The following CADPS2 variants were observed in gnomAD, a reference collection of about 807,000 sequenced individuals.
CADPS2 encodes calcium-dependent secretion activator 2.
A neutral mutation model predicts 172.5 loss-of-function variants in CADPS2; 93 were observed. The observed-to-expected ratio is 0.54, with a 90% CI of 0.46 to 0.64. The LOEUF (loss-of-function observed/expected upper bound fraction) is 0.64. Among genes scored for constraint, CADPS2 ranks in the 30% least tolerant of loss-of-function variants. The probability of loss-of-function intolerance (pLI) is 0.00; values close to 1 mark genes in which losing one functional copy is unlikely to be tolerated. For synonymous variants in CADPS2, 546 were observed against 555.2 expected (o/e 0.98, Z 0.23); for missense variants, 1,420 against 1,565.9 (o/e 0.91, Z 1.57).
At chr7:122,617,843 A>T (rs1447903071) in intron 5 of CADPS2, among the ~76,000 whole-genome samples, 2 of 152,162 alleles carry the variant, frequency 1.3e-5, no homozygotes, top group African/African-American at 2.4e-5. Context: ...GGAGATCGAG[A>T]CCATCCTGGC....
chr7:122,421,473 G>A (rs2048521964), intron 17 of CADPS2, among the ~76,000 whole-genome samples: 1 of 152,144 alleles, frequency 6.6e-6, no homozygotes. Context: ...TGATCAGCTA[G>A]GGAGCATGAA....
intron 2 of CADPS2, among the ~76,000 whole-genome samples, chr7:122,696,882 CG>C (rs1209272413): frequency 2.0e-5 from 3 of 152,040 alleles, no homozygotes; most frequent in Non-Finnish European, 4.4e-5. Context: ...CAAAAATACT[CG>C]AGTGCCAGGA....
At chr7:122,740,118 T>C (rs971446296) in intron 1 of CADPS2, among the ~76,000 whole-genome samples, 4 of 152,186 alleles carry the variant, frequency 2.6e-5, no homozygotes, top group African/African-American at 9.7e-5. Context: ...GGATCTCTCA[T>C]TCTTTGCTAC....
At chr7:122,463,961 C>T (rs888045272) in intron 14 of CADPS2, among the ~76,000 whole-genome samples, 3 of 152,162 alleles carry the variant, frequency 2.0e-5, no homozygotes, top group African/African-American at 7.2e-5. Flanking sequence ...GTTTAGTACA[C>T]ATCATATATC....
chr7:122,568,983 C>G (rs1421355832), intron 7 of CADPS2, among the ~76,000 whole-genome samples: 1 of 152,102 alleles, frequency 6.6e-6, no homozygotes, highest in African/African-American at 2.4e-5. Flanking sequence ...GACAGGGATG[C>G]CCTCTCTCAC....
At chr7:122,578,115 T>C (rs1251958568) in intron 7 of CADPS2, among the ~76,000 whole-genome samples, 4 of 151,026 alleles carry the variant, frequency 2.6e-5, no homozygotes, top group Admixed American at 1.3e-4. Context: ...CAAAAGTATA[T>C]ATATTTATGT....
At chr7:122,433,000 G>T (rs1330539380) in intron 17 of CADPS2, among the ~76,000 whole-genome samples, 1 of 152,000 alleles carries the variant, frequency 6.6e-6, no homozygotes, top group African/African-American at 2.4e-5. Context: ...TGGAGACAGG[G>T]TCTCCTTCTG....
intron 3 of CADPS2, among the ~76,000 whole-genome samples, chr7:122,662,795 G>A (rs1251620800): frequency 2.0e-5 from 3 of 152,104 alleles, no homozygotes; most frequent in African/African-American, 4.8e-5. Flanking sequence ...ATCTGGATGA[G>A]TTAAATAAAA....
chr7:122,425,819 C>G (rs922992057), intron 17 of CADPS2: 5 of 152,016 alleles, frequency 3.3e-5, no homozygotes, highest in Admixed American at 6.6e-5. Flanking sequence ...TAGTATCATG[C>G]CTATTCCTTC....
chr7:122,346,039 T>G (rs1239922846), intron 27 of CADPS2, among the ~76,000 whole-genome samples: 1 of 151,898 alleles, frequency 6.6e-6, no homozygotes, highest in Admixed American at 6.6e-5. Context: ...AAATACAATT[T>G]ACTTTGCATC....
chr7:122,728,685 T>A (rs188934489), intron 2 of CADPS2, among the ~76,000 whole-genome samples: 2 of 151,826 alleles, frequency 1.3e-5, no homozygotes, highest in African/African-American at 2.4e-5. Context: ...CAGACACTTG[T>A]GCAACTGGAG....
At chr7:122,418,155 G>C (rs1172516872) in intron 17 of CADPS2, among the ~76,000 whole-genome samples, 1 of 151,140 alleles carries the variant, frequency 6.6e-6, no homozygotes, top group Non-Finnish European at 1.5e-5. Flanking sequence ...GGGTGACAGA[G>C]GGAGACTCCA....
At chr7:122,616,578 C>G (rs760654289) in intron 5 of CADPS2, among the ~76,000 whole-genome samples, 20 of 152,154 alleles carry the variant, frequency 1.3e-4, no homozygotes, top group Middle Eastern at 6.8e-3. Flanking sequence ...AGTTTTCTTC[C>G]TCATCCAGGG....
At chr7:122,421,143 C>T (rs1054612697) in intron 17 of CADPS2, 3 of 152,000 alleles carry the variant, frequency 2.0e-5, no homozygotes, top group East Asian at 1.9e-4. Context: ...CCTTTTTATC[C>T]GTATATGATA....
chr7:122,533,021 C>T (rs896284273), intron 8 of CADPS2, among the ~76,000 whole-genome samples: 2 of 151,980 alleles, frequency 1.3e-5, no homozygotes, highest in Admixed American at 6.6e-5. Flanking sequence ...ATAAATGCTC[C>T]GCACCCCCAC....
intron 2 of CADPS2, among the ~76,000 whole-genome samples, chr7:122,717,806 C>T (rs2136962618): frequency 6.6e-6 from 1 of 151,940 alleles, no homozygotes; most frequent in South Asian, 2.1e-4. Flanking sequence ...CAGTATATCC[C>T]ACATTCTTTT....
chr7:122,831,735 T>A (rs1294325182), intron 1 of CADPS2, among the ~76,000 whole-genome samples: 1 of 152,144 alleles, frequency 6.6e-6, no homozygotes, highest in Non-Finnish European at 1.5e-5. Context: ...TTACTCTGAG[T>A]GCTGTAAGAG....
At chr7:122,589,802 T>C (rs1380142658) in intron 6 of CADPS2, among the ~76,000 whole-genome samples, 2 of 151,886 alleles carry the variant, frequency 1.3e-5, no homozygotes, top group Non-Finnish European at 1.5e-5. Flanking sequence ...CCACTAATAA[T>C]GATAGTAGGG....
intron 17 of CADPS2, chr7:122,427,138 G>GTGTT (rs1162134335): frequency 6.6e-6 from 1 of 152,114 alleles, no homozygotes; most frequent in South Asian, 2.1e-4. Flanking sequence ...GTGTGTGTGT[G>GTGTT]TGTGTTTTAA....
Sources: allele counts gnomAD v4.1 joint callset (sites outside exome capture counted in the v4.1 genomes callset), GRCh38; gene constraint gnomAD v4.1.1; transcripts MANE v1.5; gene names NCBI Gene and HGNC (gene_info 2026-07-23, HGNC 2026-07-21).